GABBR2: variants seen among roughly 807,000 people sequenced by gnomAD.
The protein encoded by GABBR2 is G-protein coupled receptor 51.
GABBR2 carries 23 observed loss-of-function variants against 105.6 expected under a neutral mutation model. The observed-to-expected ratio is 0.22, with a 90% confidence interval of 0.16 to 0.31. The LOEUF is 0.31. Among genes scored for constraint, GABBR2 ranks in the 10% least tolerant of loss-of-function variants. The probability of loss-of-function intolerance (pLI) is 1.00; values close to 1 mark genes in which losing one functional copy is unlikely to be tolerated. For missense variants in GABBR2, 734 were observed against 1,245.5 expected (o/e 0.59, Z 6.18); for synonymous variants, 478 against 499.7 (o/e 0.96, Z 0.58).
At chr9:98,648,194 C>T (rs554956443) in intron 1 of GABBR2, among the ~76,000 whole-genome samples, 6 of 151,728 alleles carry the variant, frequency 4.0e-5, no homozygotes, top group East Asian at 3.9e-4. Context: ...TACAGTGGCG[C>T]GATCTCGGCT....
At chr9:98,525,957 G>T (rs7020149) in intron 3 of GABBR2, among the ~76,000 whole-genome samples, 2 of 152,138 alleles carry the variant, frequency 1.3e-5, no homozygotes, top group African/African-American at 4.8e-5. Context: ...GTCATTATAG[G>T]CAAATCTATA....
At chr9:98,420,917 A>G (rs1489648351) in intron 7 of GABBR2, among the ~76,000 whole-genome samples, 1 of 152,192 alleles carries the variant, frequency 6.6e-6, no homozygotes, top group African/African-American at 2.4e-5. Flanking sequence ...CAGGTGAAGA[A>G]AGGCCTGTAG....
intron 1 of GABBR2, among the ~76,000 whole-genome samples, chr9:98,684,528 A>G (rs914251310): frequency 1.1e-4 from 16 of 152,204 alleles, no homozygotes; most frequent in African/African-American, 3.6e-4. Flanking sequence ...GAAAGGTCCA[A>G]CCATCAGTGG....
chr9:98,496,297 G>A (rs1487834931), intron 4 of GABBR2, 116 bp downstream of exon 4: 1 of 702,766 alleles, frequency 1.4e-6, no homozygotes, highest in African/African-American at 1.7e-5. Flanking sequence ...GGGATGCCAA[G>A]GTGGAAATGA....
intron 1 of GABBR2, among the ~76,000 whole-genome samples, chr9:98,707,623 G>T (rs1418708728): frequency 6.6e-6 from 1 of 152,340 alleles, no homozygotes; most frequent in Non-Finnish European, 1.5e-5. Context: ...CTGTGCTCCG[G>T]CTGCTAGGTC....
intron 1 of GABBR2, among the ~76,000 whole-genome samples, chr9:98,702,017 T>G (rs1830834872): frequency 6.6e-6 from 1 of 152,116 alleles, no homozygotes; most frequent in South Asian, 2.1e-4. Context: ...ATCATCTCAT[T>G]TGTCCCTTAT....
At chr9:98,448,584 A>G (rs907503276) in intron 7 of GABBR2, among the ~76,000 whole-genome samples, 1 of 151,882 alleles carries the variant, frequency 6.6e-6, no homozygotes, top group African/African-American at 2.4e-5. Context: ...GCCCGGCTAA[A>G]TTTTGTATTT....
chr9:98,704,382 T>C (rs1039064638), intron 1 of GABBR2, among the ~76,000 whole-genome samples: 2 of 152,212 alleles, frequency 1.3e-5, no homozygotes, highest in African/African-American at 4.8e-5. Context: ...TCCCTGAACT[T>C]TCTCTAAGTT....
At chr9:98,708,376 GCC>G in intron 1 of GABBR2, 39 bp downstream of exon 1, 1 of 1,328,190 alleles carries the variant, frequency 7.5e-7, no homozygotes. Flanking sequence ...CCACCCCAAT[GCC>G]CCCCGAAGCC....
chr9:98,362,985 CCAG>C (rs1201968019), intron 12 of GABBR2, 148 bp from the exon 13 acceptor site: 2 of 590,666 alleles, frequency 3.4e-6, no homozygotes, highest in African/African-American at 1.9e-5. Flanking sequence ...CAGGATAAAT[CCAG>C]CCAAGCTCCT....
intron 1 of GABBR2, among the ~76,000 whole-genome samples, chr9:98,597,299 A>AACAACATGCCAGGG (rs923393306): frequency 5.3e-5 from 8 of 152,206 alleles, no homozygotes; most frequent in South Asian, 2.1e-4. Flanking sequence ...TGTGATCACA[A>AACAACATGCCAGGG]ACAACATGCC....
At chr9:98,606,619 T>G (rs1829426220) in intron 1 of GABBR2, among the ~76,000 whole-genome samples, 1 of 151,798 alleles carries the variant, frequency 6.6e-6, no homozygotes, top group African/African-American at 2.4e-5. Context: ...TAGCTGGGAT[T>G]ACAGGCATGT....
intron 13 of GABBR2, among the ~76,000 whole-genome samples, chr9:98,361,339 A>C (rs1831578583): frequency 6.6e-6 from 1 of 151,856 alleles, no homozygotes; most frequent in African/African-American, 2.4e-5. Flanking sequence ...GGATTAAATG[A>C]GTTAACGCAT....
At chr9:98,416,550 C>T (rs185100611) in intron 7 of GABBR2, among the ~76,000 whole-genome samples, 185 of 152,344 alleles carry the variant, frequency 1.2e-3, no homozygotes, top group African/African-American at 4.2e-3. Flanking sequence ...CCCTGCTCTC[C>T]TGTTCCTGTC....
chr9:98,686,791 G>C (rs917084941), intron 1 of GABBR2, among the ~76,000 whole-genome samples: 3 of 152,120 alleles, frequency 2.0e-5, no homozygotes, highest in African/African-American at 7.2e-5. Flanking sequence ...AGCTCAGTCA[G>C]TGAAGGGTCC....
intron 1 of GABBR2, among the ~76,000 whole-genome samples, chr9:98,584,494 A>G (rs201805637): frequency 6.6e-6 from 1 of 152,176 alleles, no homozygotes; most frequent in East Asian, 1.9e-4. Context: ...TGTCACAGAG[A>G]AATCACCATT....
intron 13 of GABBR2, among the ~76,000 whole-genome samples, chr9:98,315,752 G>T (rs901160257): frequency 6.6e-6 from 1 of 152,244 alleles, no homozygotes; most frequent in African/African-American, 2.4e-5. Context: ...CAGCCTGGTG[G>T]TGGTGGATTA....
chr9:98,602,397 G>A (rs955882737), intron 1 of GABBR2, among the ~76,000 whole-genome samples: 3 of 150,782 alleles, frequency 2.0e-5, no homozygotes, highest in Non-Finnish European at 4.4e-5. Flanking sequence ...GCTTGAACCC[G>A]GGAGGCAGAG....
At chr9:98,463,398 C>T (rs2131615715) in intron 6 of GABBR2, among the ~76,000 whole-genome samples, 1 of 152,278 alleles carries the variant, frequency 6.6e-6, no homozygotes, top group East Asian at 1.9e-4. Flanking sequence ...AACTGGCAAT[C>T]TGTTTTAAAA....
Sources: gnomAD v4.1 joint callset for allele counts (sites outside exome capture counted in the v4.1 genomes callset) on GRCh38, gnomAD v4.1.1 for gene constraint, MANE v1.5 for transcripts, NCBI Gene and HGNC (gene_info 2026-07-23, HGNC 2026-07-21) for gene names.